The following CACNG2 variants were observed in gnomAD, a reference collection of about 807,000 sequenced individuals.
The protein encoded by CACNG2 is calcium voltage-gated channel auxiliary subunit gamma 2, also known as voltage-dependent calcium channel gamma-2 subunit.
CACNG2 carries 3 observed loss-of-function variants against 25.9 expected under a neutral mutation model. The ratio of observed to expected loss-of-function variants is 0.12; its 90% CI spans 0.05 to 0.30. The LOEUF (loss-of-function observed/expected upper bound fraction) is 0.30, where lower values mean the gene tolerates loss of function less well. CACNG2 is among the 10% of genes least tolerant of loss of function. CACNG2 has a pLI of 1.00. For missense variants in CACNG2, 341 were observed against 432.5 expected, an observed-to-expected ratio of 0.79 and a Z score of 1.88; for synonymous variants, 167 against 173.3, an observed-to-expected ratio of 0.96 and a Z score of 0.29.
intron 1 of CACNG2, among the ~76,000 whole-genome samples, chr22:36,699,040 CTTG>C (rs985471153): frequency 1.3e-5 from 2 of 152,284 alleles, no homozygotes; most frequent in African/African-American, 2.4e-5. Flanking sequence ...GTTTTCGCAT[CTTG>C]TTGTAGATTT....
intron 2 of CACNG2, among the ~76,000 whole-genome samples, chr22:36,577,418 G>A (rs150018203): frequency 0.011 from 1,668 of 152,036 alleles, 14 homozygotes; most frequent in Non-Finnish European, 0.017. Flanking sequence ...TTGGGAGGCC[G>A]AGGCGGGTGG....
chr22:36,631,647 C>A (rs534899888), intron 1 of CACNG2, among the ~76,000 whole-genome samples: 2 of 152,088 alleles, frequency 1.3e-5, no homozygotes, highest in Non-Finnish European at 2.9e-5. Context: ...GGATGTGTGG[C>A]CCCAAGGCAC....
chr22:36,572,483 C>T (rs1935248718), intron 2 of CACNG2, among the ~76,000 whole-genome samples: 1 of 152,120 alleles, frequency 6.6e-6, no homozygotes, highest in African/African-American at 2.4e-5. Context: ...GGCTGGATCA[C>T]TTGAGGTCAG....
chr22:36,602,310 T>C (rs1935764610), intron 1 of CACNG2, among the ~76,000 whole-genome samples: 1 of 152,172 alleles, frequency 6.6e-6, no homozygotes, highest in South Asian at 2.1e-4. Flanking sequence ...TCCCAATCTG[T>C]ACATTGCCCT....
At chr22:36,625,164 C>A (rs1936166879) in intron 1 of CACNG2, among the ~76,000 whole-genome samples, 1 of 152,014 alleles carries the variant, frequency 6.6e-6, no homozygotes, top group South Asian at 2.1e-4. Context: ...CAATCCCTGG[C>A]AGGGGAATGC....
rs1351788661 is a variant in CACNG2 at position 36,606,845 on chromosome 22, GTGTA to G, written c.212-19301_212-19298del. Among the ~76,000 whole-genome samples the G allele has an allele frequency of 2.6e-5, 4 of 151,156 alleles. No homozygotes were observed. The highest frequency in any genetic ancestry group is 1.9e-4 in the East Asian group (1 of 5,178). Reference sequence around the variant, plus strand: ...TGTGTGTCTGTGGGTCTCTGTGTGTGTGTATGTATGTGTACGTGTGTATGTCTGT... The same window carrying G: ...TGTGTGTCTGTGGGTCTCTGTGTGTGTGTATGTGTACGTGTGTATGTCTGT... On this transcript the variant is annotated intron_variant, in intron 1 of 3. Transcript: ENST00000300105. This position sits in a 1 kb window ranked among gnomAD's most constrained non-coding sequence, Gnocchi z 5.7.
rs921800562 is a variant in CACNG2 at position 36,703,478 on chromosome 22, C to G, written c.-902G>C. The stretch of plus-strand genomic sequence containing the variant: ...GTGGGCCGCGCGCCTGCCCCCCACT[C>G]GCTACCGGCTGGGCGCCCGCGGAGG... On this transcript the variant is annotated 5_prime_UTR_variant, in exon 1 of 4. Coordinates refer to ENST00000300105, the MANE Select transcript of CACNG2 (RefSeq NM_006078.5). 6.6e-6 allele frequency: 1 copy of G among 152,432 alleles called. No individual in the cohort carries two copies. The highest frequency in any genetic ancestry group is 2.4e-5 in the African/African-American group (1 of 41,424). 9.4% of individuals were successfully genotyped at this position (152,432 alleles called of 1,614,324 possible).
chr22:36,648,576 C>T (rs1176727773), intron 1 of CACNG2, among the ~76,000 whole-genome samples: 1 of 152,176 alleles, frequency 6.6e-6, no homozygotes, highest in Non-Finnish European at 1.5e-5. Flanking sequence ...AACTATCTAC[C>T]TTCTGACCTC....
intron 1 of CACNG2, among the ~76,000 whole-genome samples, chr22:36,636,922 G>A (rs1270119202): frequency 6.6e-6 from 1 of 152,220 alleles, no homozygotes; most frequent in Non-Finnish European, 1.5e-5. Context: ...AGTTAAAAGT[G>A]TGGCATTCCC....
intron 1 of CACNG2, among the ~76,000 whole-genome samples, chr22:36,620,329 T>C (rs1161277044): frequency 6.6e-6 from 1 of 152,230 alleles, no homozygotes; most frequent in Non-Finnish European, 1.5e-5. Context: ...TCCTCTGGGA[T>C]GCAATTGAAC....
intron 1 of CACNG2, among the ~76,000 whole-genome samples, chr22:36,658,172 A>G (rs557724391): frequency 6.6e-6 from 1 of 152,352 alleles, no homozygotes; most frequent in East Asian, 1.9e-4. Context: ...CAAAGACCTC[A>G]CAAAGCCACA....
intron 1 of CACNG2, among the ~76,000 whole-genome samples, chr22:36,633,055 T>C (rs948457214): frequency 1.3e-5 from 2 of 152,218 alleles, no homozygotes; most frequent in African/African-American, 4.8e-5. Flanking sequence ...ACCTAGAACC[T>C]CACTACCTCA....
intron 1 of CACNG2, among the ~76,000 whole-genome samples, chr22:36,646,390 G>A (rs981046749): frequency 1.3e-5 from 2 of 152,168 alleles, no homozygotes; most frequent in Admixed American, 6.5e-5. Context: ...TCTGCGAGCT[G>A]TTCAAGTGGT....
intron 1 of CACNG2, among the ~76,000 whole-genome samples, chr22:36,658,783 CA>C (rs1936744578): frequency 6.6e-6 from 1 of 152,050 alleles, no homozygotes; most frequent in African/African-American, 2.4e-5. Flanking sequence ...AATAGTGCTC[CA>C]GGGGGAATAG....
chr22:36,690,087 T>C (rs781359207), intron 1 of CACNG2, among the ~76,000 whole-genome samples: 3 of 152,268 alleles, frequency 2.0e-5, no homozygotes, highest in Non-Finnish European at 4.4e-5. Flanking sequence ...GGTGTCATTT[T>C]AGTTCTGTCT....
At position 36,561,091 on chromosome 22, in the gene CACNG2, G is replaced by A. The variant is rs923093689; in HGVS notation, c.*3260C>T. The A allele has an allele frequency of 2.0e-5, 3 of 152,118 alleles. No homozygotes were observed. The highest frequency in any genetic ancestry group is 4.8e-5 in the African/African-American group (2 of 41,374). 9.4% of individuals were successfully genotyped at this position (152,118 alleles called of 1,614,324 possible). ...GTTCCGGTCCTGGCTCCTTCCCTCCGGACCCCCTAGCCCCTTCTCAGCCAT... is the reference window on the plus strand; with the variant it reads ...GTTCCGGTCCTGGCTCCTTCCCTCCAGACCCCCTAGCCCCTTCTCAGCCAT... On this transcript the variant is annotated 3_prime_UTR_variant, in exon 4 of 4. Transcript: ENST00000300105.
rs750834335 is a variant in CACNG2 at position 36,702,944 on chromosome 22, T to C, written c.-368A>G. 2.5e-5 allele frequency: 5 copies of C among 203,854 alleles called. No individual in the cohort carries two copies. The highest frequency in any genetic ancestry group is 3.9e-5 in the Non-Finnish European group (4 of 103,120). 12.6% of individuals were successfully genotyped at this position (203,854 alleles called of 1,614,324 possible). ...AAAATTCTGGTCTCCAGTTTCCATA[T>C]GTGATAGTTAATTTGGAGATGGCTT... On this transcript the variant is annotated 5_prime_UTR_variant, in exon 1 of 4. Transcript: ENST00000300105.
chr22:36,614,766 T>C (rs1211943426), intron 1 of CACNG2, among the ~76,000 whole-genome samples: 3 of 152,146 alleles, frequency 2.0e-5, no homozygotes, highest in African/African-American at 7.2e-5. Flanking sequence ...AACACACCTA[T>C]TGACTCAAAG....
At chr22:36,612,913 G>A (rs763697648) in intron 1 of CACNG2, among the ~76,000 whole-genome samples, 2 of 152,132 alleles carry the variant, frequency 1.3e-5, no homozygotes, top group African/African-American at 2.4e-5. Context: ...ATCCTTTCCC[G>A]CTAATGCTGT....
Sources: gnomAD v4.1 joint callset for allele counts (sites outside exome capture counted in the v4.1 genomes callset) on GRCh38, gnomAD v4.1.1 for gene constraint, Gnocchi (gnomAD v3.1) non-coding constraint, MANE v1.5 for transcripts, NCBI Gene and HGNC (gene_info 2026-07-23, HGNC 2026-07-21) for gene names.